Variants in LSMEM1 observed in about 807,000 individuals in gnomAD.
LSMEM1 encodes leucine-rich single-pass membrane protein 1.
LSMEM1 carries 10 observed loss-of-function variants against 11.3 expected under a neutral mutation model. The observed-to-expected ratio is 0.89, with a 90% CI of 0.55 to 1.50. The LOEUF is 1.50. Ranked by LOEUF, LSMEM1 falls within the 40% of genes most tolerant of loss-of-function variation. The probability of loss-of-function intolerance (pLI) is 0.00; values close to 1 mark genes in which losing one functional copy is unlikely to be tolerated. For synonymous variants in LSMEM1, 65 were observed against 59.3 expected (o/e 1.10, Z -0.44); for missense variants, 151 against 152.9 (o/e 0.99, Z 0.06).
rs944619107 is a variant in LSMEM1 at position 112,489,838 on chromosome 7, G to A, written c.285G>A (p.Val95=). ...AAACTGGAAACAAGATGGATGATGT[G>A]TCAAGAAGACTAACAGCTGAAGGAA... ...IVQTGNKMDD[V]SRRLTAEGKD... The change falls in exon 4 of 4, where the codon GTG becomes GTA. Residue 95 remains valine (V), a synonymous_variant. Coordinates refer to ENST00000312849, the MANE Select transcript of LSMEM1 (RefSeq NM_182597.3). The A allele has an allele frequency of 1.2e-5, 20 of 1,613,688 alleles. No individual in the cohort carries two copies. The highest frequency in any genetic ancestry group is 1.4e-5 in the Non-Finnish European group (17 of 1,179,890).
At chr7:112,482,157 A>C (rs1796044307) in intron 1 of LSMEM1, among the ~76,000 whole-genome samples, 1 of 148,304 alleles carries the variant, frequency 6.7e-6, no homozygotes, top group African/African-American at 2.5e-5. Context: ...TTATTTTTCC[A>C]TTTGCGTGTT....
intron 2 of LSMEM1, chr7:112,486,259 T>C (rs1796125125): frequency 3.1e-6 from 1 of 324,784 alleles, no homozygotes; most frequent in Admixed American, 3.4e-5. Context: ...CTGGGTTACT[T>C]TGGGAAAGGG....
Position 112,490,903 on chromosome 7 carries a change from A to T in LSMEM1, c.*954A>T, listed in dbSNP as rs1796223381. On this transcript the variant is annotated 3_prime_UTR_variant, in exon 4 of 4. Transcript: ENST00000312849. ...TTTAAAAAGCATATGAGTCTTAGAA[A>T]ATCTTTTATTTAATATAAAAATATT... is the stretch of plus-strand genomic sequence containing the variant. The T allele has an allele frequency of 6.6e-6, 1 of 152,210 alleles. No homozygotes were observed. Among genetic ancestry groups the T allele is most frequent in the African/African-American group, 2.4e-5 (1 of 41,454 alleles). The allele number at this position is 152,210 out of a possible 1,614,324, so 9.4% of individuals were successfully genotyped here.
In LSMEM1 at chr7:112,489,860, G is replaced by A. The variant is rs749156652; in HGVS notation, c.307G>A (p.Gly103Arg). The A allele has an allele frequency of 1.9e-6, 3 of 1,613,968 alleles. No individual in the cohort carries two copies. The South Asian group carries it at 3.3e-5, about 18-fold the overall frequency. Residue 103 changes from glycine to arginine, a missense_variant, in exon 4 of 4, where the codon GGA becomes AGA. Coordinates refer to ENST00000312849, the MANE Select transcript of LSMEM1 (RefSeq NM_182597.3). ...DDVSRRLTAEGKDIDDLKRIN... is the reference protein window; with the variant it reads ...DDVSRRLTAERKDIDDLKRIN... ...TGTGTCAAGAAGACTAACAGCTGAA[G>A]GAAAAGACATAGATGATCTTAAGAG...
intron 1 of LSMEM1, among the ~76,000 whole-genome samples, chr7:112,483,201 G>A (rs1360145406): frequency 1.3e-5 from 2 of 150,184 alleles, no homozygotes; most frequent in African/African-American, 2.5e-5. Context: ...CTGTAGATGA[G>A]TTTTAAAGGA....
rs990976621 is a variant in LSMEM1, at chr7:112,486,645, G to A, written c.128-278G>A. Among the ~76,000 whole-genome samples, 9 of 152,052 alleles carry A rather than the reference G, an allele frequency of 5.9e-5. 1 individual carries two copies. The highest frequency in any genetic ancestry group is 4.1e-4 in the South Asian group (2 of 4,830). On this transcript the variant is annotated intron_variant, in intron 2 of 3. Transcript: ENST00000312849. The stretch of plus-strand genomic sequence containing the variant: ...CAAAAACTTAGCGGGACGTGGTGGC[G>A]GGGGCCTGTAGTCCCAGCTACTCGG...
upstream of LSMEM1, among the ~76,000 whole-genome samples, chr7:112,480,658 C>G (rs1460098504): frequency 6.6e-6 from 1 of 152,194 alleles, no homozygotes; most frequent in Non-Finnish European, 1.5e-5. Context: ...CAGAACAAAG[C>G]CTTTGTAAAG....
Position 112,489,817 on chromosome 7 carries a change from T to C in LSMEM1, c.264T>C (p.Thr88=). The change falls in exon 4 of 4, where the codon ACT becomes ACC. Residue 88 remains threonine (T), a synonymous_variant. Coordinates refer to ENST00000312849, the MANE Select transcript of LSMEM1 (RefSeq NM_182597.3). ...VFFVIFLIVQ[T]GNKMDDVSRR... is the part of the protein sequence containing the mutation. ...CTGTTTTCTGTTTTGAAGTTCAAACTGGAAACAAGATGGATGATGTGTCAA... is the reference window on the plus strand; with the variant it reads ...CTGTTTTCTGTTTTGAAGTTCAAACCGGAAACAAGATGGATGATGTGTCAA... The C allele has an allele frequency of 1.9e-6, 3 of 1,611,378 alleles. No homozygotes were observed. Among genetic ancestry groups the C allele is most frequent in the Non-Finnish European group, 2.5e-6 (3 of 1,179,250 alleles).
chr7:112,487,677 A>C (rs962829980), intron 3 of LSMEM1, among the ~76,000 whole-genome samples: 4 of 152,218 alleles, frequency 2.6e-5, no homozygotes, highest in African/African-American at 9.6e-5. Flanking sequence ...CTTCTCAGTC[A>C]AGAGATCCTT....
chr7:112,481,612 G>A (rs1796035319), intron 1 of LSMEM1, among the ~76,000 whole-genome samples: 1 of 150,748 alleles, frequency 6.6e-6, no homozygotes, highest in Admixed American at 6.7e-5. Flanking sequence ...AGCAATACTG[G>A]TGTGAGTTAT....
At chr7:112,484,526 A>AGT (rs907182151) in intron 1 of LSMEM1, among the ~76,000 whole-genome samples, 2 of 152,236 alleles carry the variant, frequency 1.3e-5, no homozygotes, top group African/African-American at 4.8e-5. Context: ...AGGAGAAAAG[A>AGT]GTGTTTGCAG....
intron 3 of LSMEM1, among the ~76,000 whole-genome samples, chr7:112,488,058 A>T (rs1796170160): frequency 6.6e-6 from 1 of 151,480 alleles, no homozygotes; most frequent in Non-Finnish European, 1.5e-5. Flanking sequence ...TTCCAATCCC[A>T]TTTCCTCCCC....
At chr7:112,482,897 GTTAA>G (rs1278062471) in intron 1 of LSMEM1, among the ~76,000 whole-genome samples, 2 of 142,256 alleles carry the variant, frequency 1.4e-5, no homozygotes, top group Non-Finnish European at 3.0e-5. Flanking sequence ...GTTTGTTCTT[GTTAA>G]TTAAAATTTC....
intron 1 of LSMEM1, among the ~76,000 whole-genome samples, chr7:112,483,136 C>CTT (rs113149675): frequency 1.5e-4 from 21 of 136,646 alleles, no homozygotes; most frequent in South Asian, 4.6e-4. Flanking sequence ...TAGGTGTATA[C>CTT]TTTTTTTTTT....
In LSMEM1 at chr7:112,490,126, T is replaced by TA. The variant is rs1193054287; in HGVS notation, c.*178dup. 1 of 617,356 alleles carries TA rather than the reference T, an allele frequency of 1.6e-6. No homozygotes were observed. Among genetic ancestry groups the TA allele is most frequent in the East Asian group, 2.8e-5 (1 of 35,124 alleles). 38.2% of individuals were successfully genotyped at this position (617,356 alleles called of 1,614,324 possible). A position where few individuals can be genotyped will look rare whatever the true frequency, so the allele number is the denominator to read the frequency against. On this transcript the variant is annotated 3_prime_UTR_variant, in exon 4 of 4. Coordinates refer to ENST00000312849, the MANE Select transcript of LSMEM1 (RefSeq NM_182597.3). ...TGGGAGCAATTCCAAGGCAAGTGGG[T>TA]ATGGGAATAGCAACTAAAAAGGGGT...
intron 1 of LSMEM1, among the ~76,000 whole-genome samples, chr7:112,483,098 C>A (rs1796060765): frequency 6.8e-6 from 1 of 147,836 alleles, no homozygotes; most frequent in East Asian, 2.0e-4. Flanking sequence ...CAGTAAGTGT[C>A]TGATACTTTT....
intron 3 of LSMEM1, among the ~76,000 whole-genome samples, chr7:112,489,069 G>T (rs552955287): frequency 6.6e-6 from 1 of 152,132 alleles, no homozygotes; most frequent in South Asian, 2.1e-4. Context: ...TTTATGAATA[G>T]CTTTTATTTT....
In LSMEM1 at chr7:112,488,588, CATTATT is replaced by C. The variant is rs958028388; in HGVS notation, c.257-1206_257-1201del. ...CATAACAACTCTGTAGTGTAGAATC[CATTATT>C]ATTATTATTATTATTTTTATTTTTA... On this transcript the variant is annotated intron_variant, in intron 3 of 3. Coordinates refer to ENST00000312849, the MANE Select transcript of LSMEM1 (RefSeq NM_182597.3). Among the ~76,000 whole-genome samples, 40 of 150,004 alleles carry C rather than the reference CATTATT, an allele frequency of 2.7e-4. 1 individual carries two copies. Among genetic ancestry groups the C allele is most frequent in the African/African-American group, 7.9e-4 (32 of 40,518 alleles).
rs540724150 is a variant in LSMEM1, at chr7:112,484,183, A to G, written c.-5-629A>G. On this transcript the variant is annotated intron_variant, in intron 1 of 3. Transcript: ENST00000312849. ...CTCTATAGCAGCTAAGTTTGCTAAG[A>G]TTGTTGTCTTGGGGACTCACAGTCA... Among the ~76,000 whole-genome samples the G allele has an allele frequency of 2.0e-5, 3 of 152,324 alleles. No homozygotes were observed. In the South Asian group the frequency reaches 6.2e-4, roughly 32 times the overall value.
Sources: gnomAD v4.1 joint callset for allele counts (sites outside exome capture counted in the v4.1 genomes callset) on GRCh38, gnomAD v4.1.1 for gene constraint, MANE v1.5 for transcripts, NCBI Gene and HGNC (gene_info 2026-07-23, HGNC 2026-07-21) for gene names.